The following OR10J1 variants were observed in gnomAD, a reference collection of about 807,000 sequenced individuals.
OR10J1 encodes olfactory receptor 10J1.
For synonymous variants in OR10J1, 202 were observed against 143.8 expected (o/e 1.40, Z -2.89); for missense variants, 474 against 376.6 (o/e 1.26, Z -2.14).
upstream of OR10J1, chr1:159,433,073 A>G (rs1046164283): frequency 6.7e-6 from 3 of 449,750 alleles, no homozygotes; most frequent in Non-Finnish European, 7.9e-6. Context: ...TGTTGTATAC[A>G]GCCTGAGGAA....
the OR10J1 span, chr1:159,432,509 C>A: frequency 2.2e-6 from 1 of 448,486 alleles, no homozygotes; most frequent in South Asian, 8.5e-5. Context: ...CCGCTCAGCT[C>A]TTTTTCTATC....
chr1:159,415,412 C>A, the OR10J1 span, among the ~76,000 whole-genome samples: 18 of 152,198 alleles, frequency 1.2e-4, no homozygotes, highest in African/African-American at 4.1e-4. Flanking sequence ...ATTCTCTATT[C>A]TGTTTCACTG....
At chr1:159,423,821 A>T in the OR10J1 span, among the ~76,000 whole-genome samples, 1 of 152,196 alleles carries the variant, frequency 6.6e-6, no homozygotes, top group Non-Finnish European at 1.5e-5. Flanking sequence ...GGTGCTTCCT[A>T]ATGAAAACTA....
the OR10J1 span, among the ~76,000 whole-genome samples, chr1:159,409,950 G>A: frequency 6.6e-6 from 1 of 152,102 alleles, no homozygotes; most frequent in Non-Finnish European, 1.5e-5. Flanking sequence ...CATCTATTGA[G>A]ATAATCATGT....
At chr1:159,429,010 A>G in the OR10J1 span, among the ~76,000 whole-genome samples, 1 of 152,234 alleles carries the variant, frequency 6.6e-6, no homozygotes, top group Non-Finnish European at 1.5e-5. Context: ...TTCTCTTCCA[A>G]CCTTCAGAAA....
chr1:159,421,259 GT>G, the OR10J1 span, among the ~76,000 whole-genome samples: 5,083 of 151,840 alleles, frequency 0.033, 138 homozygotes, highest in Non-Finnish European at 0.055. Flanking sequence ...TCTTTTTTAT[GT>G]TATCTATGAC....
upstream of OR10J1, among the ~76,000 whole-genome samples, chr1:159,439,395 A>T (rs1343903798): frequency 2.0e-5 from 3 of 152,220 alleles, no homozygotes; most frequent in East Asian, 3.9e-4. Flanking sequence ...CCAAATAAAC[A>T]TGAGAACCTC....
the OR10J1 span, among the ~76,000 whole-genome samples, chr1:159,430,167 G>T: frequency 1.3e-5 from 2 of 151,432 alleles, no homozygotes; most frequent in African/African-American, 2.4e-5. Context: ...GGAATCAAAA[G>T]CATAAATAGT....
At chr1:159,415,233 A>C in the OR10J1 span, among the ~76,000 whole-genome samples, 1 of 151,940 alleles carries the variant, frequency 6.6e-6, no homozygotes, top group Admixed American at 6.6e-5. Context: ...ATCCATCTTG[A>C]GTTGATTTTT....
chr1:159,403,306 A>C, the OR10J1 span, among the ~76,000 whole-genome samples: 1 of 152,160 alleles, frequency 6.6e-6, no homozygotes, highest in Non-Finnish European at 1.5e-5. Context: ...TAAAGTATAC[A>C]TTCGACAAAG....
At chr1:159,432,558 A>G in the OR10J1 span, 1 of 472,350 alleles carries the variant, frequency 2.1e-6, no homozygotes, top group Non-Finnish European at 3.9e-6. Context: ...GCTCACAGCC[A>G]TGGGGTATGA....
At chr1:159,408,405 A>G in the OR10J1 span, among the ~76,000 whole-genome samples, 1 of 149,716 alleles carries the variant, frequency 6.7e-6, no homozygotes, top group South Asian at 2.2e-4. Context: ...CATAGGTGGG[A>G]ATTGAACAAT....
chr1:159,431,682 A>G, the OR10J1 span, among the ~76,000 whole-genome samples: 2 of 152,196 alleles, frequency 1.3e-5, no homozygotes, highest in African/African-American at 4.8e-5. Context: ...AAGAATTTAT[A>G]CTTCAAGTAC....
chr1:159,410,343 T>C, the OR10J1 span, among the ~76,000 whole-genome samples: 1 of 152,178 alleles, frequency 6.6e-6, no homozygotes, highest in African/African-American at 2.4e-5. Context: ...TCTTTTTGGT[T>C]GGTAAGCTAT....
the OR10J1 span, among the ~76,000 whole-genome samples, chr1:159,419,746 A>G: frequency 7.9e-5 from 12 of 152,324 alleles, no homozygotes; most frequent in South Asian, 2.5e-3. Flanking sequence ...GTGTCCTAAC[A>G]TATGATCTAT....
the OR10J1 span, among the ~76,000 whole-genome samples, chr1:159,410,566 G>A: frequency 6.6e-6 from 1 of 151,798 alleles, no homozygotes; most frequent in Non-Finnish European, 1.5e-5. Flanking sequence ...TTTTTTTATT[G>A]CATCTATTTG....
chr1:159,410,060 GGTGGATAAGCTTTTTGAT>G, the OR10J1 span, among the ~76,000 whole-genome samples: 1 of 152,246 alleles, frequency 6.6e-6, no homozygotes, highest in Admixed American at 6.6e-5. Context: ...ACTTGATCAT[GGTGGATAAGCTTTTTGAT>G]GTGTTGCTGG....
the OR10J1 span, chr1:159,432,523 CT>C: frequency 4.3e-6 from 2 of 460,860 alleles, no homozygotes; most frequent in Non-Finnish European, 3.9e-6. Context: ...TTCTATCTCA[CT>C]TTTGGTGTCA....
chr1:159,413,709 G>C, the OR10J1 span, among the ~76,000 whole-genome samples: 1 of 133,356 alleles, frequency 7.5e-6, no homozygotes, highest in South Asian at 2.8e-4. Context: ...GGAGGGGGGA[G>C]GGATAGCATT....
Sources: allele counts gnomAD v4.1 joint callset (sites outside exome capture counted in the v4.1 genomes callset), GRCh38; gene constraint gnomAD v4.1.1; transcripts MANE v1.5; gene names NCBI Gene and HGNC (gene_info 2026-07-23, HGNC 2026-07-21).